The following DHRS2 variants were observed in gnomAD, a reference collection of about 807,000 sequenced individuals.
The protein encoded by DHRS2 is dehydrogenase/reductase 2.
In DHRS2, 29 loss-of-function variants were observed where a neutral mutation model predicts 26.3. That is an observed-to-expected ratio of 1.10 (90% CI 0.82 to 1.50). The LOEUF (loss-of-function observed/expected upper bound fraction) is 1.50, where lower values mean the gene tolerates loss of function less well. DHRS2 is among the 40% of genes most tolerant of loss of function. The probability of loss-of-function intolerance (pLI) is 0.00; values close to 1 mark genes in which losing one functional copy is unlikely to be tolerated. For missense variants in DHRS2, 439 were observed against 367.1 expected (o/e 1.20, Z -1.60); for synonymous variants, 164 against 151.3 (o/e 1.08, Z -0.62).
rs1445775904 is a variant in DHRS2 at position 23,644,651 on chromosome 14, C to T, written c.675+108C>T. ...AATCCTTAGGTCAGCATGCCTATGA[C>T]TGAGGTCCTCATTGTTCTCTGAACT... On this transcript the variant is annotated intron_variant, in intron 7 of 8. Transcript: ENST00000250383. 11 of 1,546,998 alleles carry T rather than the reference C, an allele frequency of 7.1e-6. No homozygotes were observed. The Admixed American group carries it at 1.2e-4, about 17-fold the overall frequency.
chr14:23,638,252 C>T (rs1890438454), intron 1 of DHRS2: 1 of 151,318 alleles, frequency 6.6e-6, no homozygotes, highest in Non-Finnish European at 1.5e-5. Context: ...ATGAACAACT[C>T]CGGACGGGAG....
chr14:23,644,332 C>A, intron 6 of DHRS2, 77 bp from the exon 7 acceptor site: 1 of 1,595,342 alleles, frequency 6.3e-7, no homozygotes, highest in Non-Finnish European at 8.6e-7. Context: ...CCTGTGAGAT[C>A]CCTGTAGGTG....
intron 1 of DHRS2, among the ~76,000 whole-genome samples, chr14:23,630,874 A>G (rs1469574784): frequency 6.6e-6 from 1 of 152,250 alleles, no homozygotes; most frequent in East Asian, 1.9e-4. Flanking sequence ...CTCTGCCTAA[A>G]GAGTTGAGGT....
At chr14:23,644,797 C>T in intron 7 of DHRS2, 30 bp from the exon 8 acceptor site, 1 of 1,613,252 alleles carries the variant, frequency 6.2e-7, no homozygotes, top group Non-Finnish European at 8.5e-7. Context: ...TTTAGTAGCA[C>T]TGACTCCTTC....
chr14:23,641,769 A>G, intron 4 of DHRS2: 1 of 1,288,712 alleles, frequency 7.8e-7, no homozygotes, highest in South Asian at 1.2e-5. Context: ...CCACAGCAAC[A>G]TTCAGCTTAA....
intron 3 of DHRS2, 27 bp from the exon 4 acceptor site, chr14:23,639,767 C>T: frequency 1.3e-6 from 2 of 1,586,624 alleles, no homozygotes; most frequent in Non-Finnish European, 1.7e-6. Context: ...AGGCCATCTC[C>T]ACACTCATCC....
At chr14:23,637,084 C>T (rs1050716038) in intron 1 of DHRS2, among the ~76,000 whole-genome samples, 2 of 152,182 alleles carry the variant, frequency 1.3e-5, no homozygotes, top group Non-Finnish European at 2.9e-5. Flanking sequence ...CGGCCATGAG[C>T]GGAACTCTCA....
In DHRS2 at chr14:23,644,860, A is replaced by G. The variant is rs753939408; in HGVS notation, c.709A>G (p.Lys237Glu). Residue 237 changes from lysine (K) to glutamate (E), a missense_variant, in exon 8 of 9, where the codon AAG (lysine) becomes GAG (glutamate). Physicochemically the swap from Lys to Glu is moderately conservative, Grantham distance 56. Coordinates refer to ENST00000250383, the MANE Select transcript of DHRS2 (RefSeq NM_005794.4). ...GAATGAGTCTCTCTGGAAGAACTTC[A>G]AGGAACATCATCAGCTGCAGAGGCA... ...HGNESLWKNF[K>E]EHHQLQRIGE... is the part of the protein sequence containing the mutation. 6.2e-7 allele frequency: 1 copy of G among 1,614,178 alleles called. No homozygotes were observed. The highest frequency in any genetic ancestry group is 2.2e-5 in the East Asian group (1 of 44,890).
At chr14:23,635,151 C>A (rs749924727), upstream of DHRS2, among the ~76,000 whole-genome samples, 3 of 152,018 alleles carry the variant, frequency 2.0e-5, no homozygotes, top group Non-Finnish European at 4.4e-5. Flanking sequence ...CAGCCTTGAC[C>A]TCCTGGGCTC....
intron 1 of DHRS2, 190 bp from the exon 2 acceptor site, chr14:23,638,637 T>G (rs1890465411): frequency 3.9e-6 from 2 of 519,020 alleles, no homozygotes; most frequent in East Asian, 3.5e-5. Context: ...TTTCCCCAGT[T>G]TTATAGCTTA....
chr14:23,644,910 C>A (rs774662990), intron 8 of DHRS2, 28 bp downstream of exon 8: 1 of 1,612,280 alleles, frequency 6.2e-7, no homozygotes, highest in Non-Finnish European at 8.5e-7. Context: ...ATTTGGTGGT[C>A]CATGTGTGGC....
At chr14:23,645,029 C>T in intron 8 of DHRS2, 113 bp from the exon 9 acceptor site, 2 of 1,571,410 alleles carry the variant, frequency 1.3e-6, no homozygotes, top group Non-Finnish European at 1.7e-6. Context: ...GCAAGTAGCC[C>T]TGCTGCATCC....
At chr14:23,639,656 G>A (rs1323658110) in intron 3 of DHRS2, 138 bp from the exon 4 acceptor site, 3 of 987,308 alleles carry the variant, frequency 3.0e-6, no homozygotes, top group Non-Finnish European at 4.2e-6. Context: ...GGCCCCAGGA[G>A]CCTGCCCTTG....
chr14:23,644,640 C>A, intron 7 of DHRS2, 97 bp downstream of exon 7: 2 of 1,575,938 alleles, frequency 1.3e-6, no homozygotes, highest in Non-Finnish European at 1.7e-6. Flanking sequence ...CTTAGGTCAG[C>A]ATGCCTATGA....
At chr14:23,630,761 A>G (rs1341337912) in intron 1 of DHRS2, among the ~76,000 whole-genome samples, 1 of 152,240 alleles carries the variant, frequency 6.6e-6, no homozygotes, top group African/African-American at 2.4e-5. Context: ...TGTAAGGATT[A>G]CATTGTTTTG....
At chr14:23,644,949 G>C (rs1890816734) in intron 8 of DHRS2, 67 bp downstream of exon 8, 1 of 1,582,166 alleles carries the variant, frequency 6.3e-7, no homozygotes, top group Non-Finnish European at 8.7e-7. Context: ...TCTATTGCAA[G>C]AGCAGACCCC....
chr14:23,631,766 C>T (rs1171630508), upstream of DHRS2, among the ~76,000 whole-genome samples: 2 of 152,180 alleles, frequency 1.3e-5, no homozygotes, highest in African/African-American at 4.8e-5. Flanking sequence ...GTCAATTCTG[C>T]TGCAGCTGAC....
intron 1 of DHRS2, 63 bp from the exon 2 acceptor site, chr14:23,638,764 G>A: frequency 6.7e-7 from 1 of 1,488,498 alleles, no homozygotes; most frequent in Non-Finnish European, 9.1e-7. Flanking sequence ...GGAAGGAGGA[G>A]GGTAGATTAC....
upstream of DHRS2, among the ~76,000 whole-genome samples, chr14:23,632,635 C>T (rs1039403235): frequency 2.0e-5 from 3 of 152,144 alleles, no homozygotes; most frequent in African/African-American, 7.2e-5. Context: ...TAGATACAGA[C>T]CCCTAACTCG....
Sources: allele counts gnomAD v4.1 joint callset (sites outside exome capture counted in the v4.1 genomes callset), GRCh38; gene constraint gnomAD v4.1.1; transcripts MANE v1.5; gene names NCBI Gene and HGNC (gene_info 2026-07-23, HGNC 2026-07-21).